The following KLHL1 variants were observed in gnomAD, a reference collection of about 807,000 sequenced individuals.
KLHL1 encodes the protein kelch like family member 1.
KLHL1 carries 47 observed loss-of-function variants against 77.7 expected under a neutral mutation model. The ratio of observed to expected loss-of-function variants is 0.60; its 90% CI spans 0.48 to 0.77. KLHL1 has a LOEUF of 0.77. Ranked by LOEUF, KLHL1 falls within the 30% of genes least tolerant of loss-of-function variation. The pLI is 0.00. For missense variants in KLHL1, 925 were observed against 910.8 expected, an observed-to-expected ratio of 1.02 and a Z score of -0.20; for synonymous variants, 360 against 325.2, an observed-to-expected ratio of 1.11 and a Z score of -1.15.
intron 5 of KLHL1, among the ~76,000 whole-genome samples, chr13:69,880,162 C>T (rs1263136328): frequency 1.3e-5 from 2 of 152,164 alleles, no homozygotes; most frequent in Admixed American, 6.5e-5. Context: ...GCTCTATGGA[C>T]TTTGAAAATC....
chr13:69,828,176 C>A (rs748792601), intron 6 of KLHL1, among the ~76,000 whole-genome samples: 5 of 150,200 alleles, frequency 3.3e-5, no homozygotes, highest in Admixed American at 6.6e-5. Flanking sequence ...TGGCTTGCCA[C>A]AGCACACTCC....
chr13:70,073,155 A>T (rs975787686), intron 1 of KLHL1, among the ~76,000 whole-genome samples: 2 of 152,120 alleles, frequency 1.3e-5, no homozygotes, highest in Non-Finnish European at 2.9e-5. Flanking sequence ...CTTGGAACCA[A>T]CCCAAATGTC....
intron 5 of KLHL1, among the ~76,000 whole-genome samples, chr13:69,864,996 G>T (rs1422601076): frequency 6.6e-6 from 1 of 152,154 alleles, no homozygotes; most frequent in Non-Finnish European, 1.5e-5. Context: ...GTCCAGGCAG[G>T]AGTGCAGTGG....
chr13:70,055,365 C>T (rs1886720902), intron 1 of KLHL1, among the ~76,000 whole-genome samples: 1 of 151,730 alleles, frequency 6.6e-6, no homozygotes, highest in African/African-American at 2.4e-5. Context: ...CTTTTCCAGA[C>T]AAATAAAAGC....
chr13:70,077,240 A>C (rs1329359235), intron 1 of KLHL1, among the ~76,000 whole-genome samples: 1 of 152,014 alleles, frequency 6.6e-6, no homozygotes, highest in Non-Finnish European at 1.5e-5. Context: ...TGGGTACAAA[A>C]GCAGTGGTAC....
intron 1 of KLHL1, among the ~76,000 whole-genome samples, chr13:70,016,401 T>C (rs1200807621): frequency 6.6e-6 from 1 of 152,224 alleles, no homozygotes; most frequent in East Asian, 1.9e-4. Context: ...CCATGCACTC[T>C]TGGGGGCCCA....
rs1011330924 is a variant in KLHL1, at chr13:69,953,966, C to T, written c.817+7342G>A. ...CTAGCTTAATTTTATAAGTTTGCTCCTTAAAATAACCCTCTCACTTAAAGA... is the reference window on the plus strand; with the variant it reads ...CTAGCTTAATTTTATAAGTTTGCTCTTTAAAATAACCCTCTCACTTAAAGA... On this transcript the variant is annotated intron_variant, in intron 3 of 10. Coordinates refer to ENST00000377844, the MANE Select transcript of KLHL1 (RefSeq NM_020866.3). Among the ~76,000 whole-genome samples, 4 of 151,096 alleles carry T rather than the reference C, an allele frequency of 2.6e-5. No individual in the cohort carries two copies. The East Asian group carries it at 5.8e-4, about 22-fold the overall frequency.
intron 1 of KLHL1, among the ~76,000 whole-genome samples, chr13:70,049,455 A>T (rs1040913665): frequency 1.3e-5 from 2 of 152,200 alleles, no homozygotes; most frequent in African/African-American, 4.8e-5. Context: ...TTACAAAGAA[A>T]AAACATCAGC....
At chr13:69,929,281 A>G (rs1030970037) in intron 4 of KLHL1, among the ~76,000 whole-genome samples, 3 of 152,090 alleles carry the variant, frequency 2.0e-5, no homozygotes, top group Admixed American at 2.0e-4. Context: ...GTTTTCAAGA[A>G]TTGAAATTAT....
chr13:69,766,713 A>G (rs1378678888), intron 7 of KLHL1, among the ~76,000 whole-genome samples: 1 of 152,118 alleles, frequency 6.6e-6, no homozygotes, highest in Non-Finnish European at 1.5e-5. Context: ...TCTTTAGGCT[A>G]CTGACTGGAA....
intron 1 of KLHL1, among the ~76,000 whole-genome samples, chr13:70,021,993 A>G (rs570256968): frequency 6.6e-6 from 1 of 151,980 alleles, no homozygotes; most frequent in South Asian, 2.1e-4. Context: ...ATTTTAATGA[A>G]GTCTCATTTA....
chr13:70,082,627 AT>A (rs1428408465), intron 1 of KLHL1, among the ~76,000 whole-genome samples: 3 of 152,300 alleles, frequency 2.0e-5, no homozygotes, highest in Admixed American at 2.0e-4. Flanking sequence ...TTCAATTTTT[AT>A]TTAAATACAG....
chr13:70,106,638 G>A (rs1332440241), intron 1 of KLHL1, among the ~76,000 whole-genome samples: 3 of 152,144 alleles, frequency 2.0e-5, no homozygotes, highest in African/African-American at 7.2e-5. Context: ...AAAGTAAAAG[G>A]ACCAGAAGAG....
intron 6 of KLHL1, among the ~76,000 whole-genome samples, chr13:69,832,671 A>T (rs1878808414): frequency 6.6e-6 from 1 of 152,110 alleles, no homozygotes; most frequent in African/African-American, 2.4e-5. Context: ...CAACAACAAC[A>T]AATCTAAAGG....
chr13:69,869,810 T>C (rs1880511331), intron 5 of KLHL1, among the ~76,000 whole-genome samples: 3 of 152,224 alleles, frequency 2.0e-5, no homozygotes, highest in African/African-American at 2.4e-5. Context: ...AAGGAATATT[T>C]TAAATTACAG....
rs1316014126 is a variant in KLHL1 at position 69,961,576 on chromosome 13, T to G, written c.681-132A>C. On this transcript the variant is annotated intron_variant, in intron 2 of 10. Transcript: ENST00000377844. Reference sequence around the variant, plus strand: ...TTAATGCATTTTATTTATTGCCTCATGAGTTGTACTTTACAAAACTGATTC... The same window carrying G: ...TTAATGCATTTTATTTATTGCCTCAGGAGTTGTACTTTACAAAACTGATTC... 3.3e-6 allele frequency: 3 copies of G among 922,810 alleles called. No homozygotes were observed. The African/African-American group carries it at 5.0e-5, about 15-fold the overall frequency. The allele number at this position is 922,810 out of a possible 1,614,324, so 57.2% of individuals were successfully genotyped here.
intron 4 of KLHL1, among the ~76,000 whole-genome samples, chr13:69,915,496 G>T (rs1334914212): frequency 6.6e-6 from 1 of 152,140 alleles, no homozygotes; most frequent in Admixed American, 6.6e-5. Context: ...ATGGGGAAAC[G>T]ATTCCCTATT....
chr13:69,726,758 C>T (rs182652704), intron 8 of KLHL1, among the ~76,000 whole-genome samples: 3 of 152,124 alleles, frequency 2.0e-5, no homozygotes, highest in Admixed American at 6.6e-5. Context: ...TTAATCCCTC[C>T]GTGTTTCCTC....
chr13:69,998,469 G>A (rs1222036965), intron 1 of KLHL1, among the ~76,000 whole-genome samples: 1 of 151,956 alleles, frequency 6.6e-6, no homozygotes, highest in East Asian at 1.9e-4. Context: ...AACTGACTAT[G>A]GCTCACATAA....
Sources: allele counts gnomAD v4.1 joint callset (sites outside exome capture counted in the v4.1 genomes callset), GRCh38; gene constraint gnomAD v4.1.1; transcripts MANE v1.5; gene names NCBI Gene and HGNC (gene_info 2026-07-23, HGNC 2026-07-21).